NEB: variants seen among roughly 807,000 people sequenced by gnomAD.
The protein encoded by NEB is nebulin, also known as nemaline myopathy type 2.
Under a neutral mutation model 952.2 loss-of-function variants are expected in NEB, and 512 were observed. The ratio of observed to expected loss-of-function variants is 0.54; its 90% CI spans 0.50 to 0.58. NEB has a LOEUF of 0.58. Among genes scored for constraint, NEB ranks in the 20% least tolerant of loss-of-function variants. The pLI, the probability that NEB is intolerant of heterozygous loss-of-function variation, is 0.00. For synonymous variants in NEB, 2,900 were observed against 3,149.8 expected (o/e 0.92, Z 2.66); for missense variants, 8,428 against 9,231.1 (o/e 0.91, Z 3.56).
At chr2:151,712,890 G>T (rs1203086787) in intron 10 of NEB, among the ~76,000 whole-genome samples, 7 of 151,894 alleles carry the variant, frequency 4.6e-5, no homozygotes, top group South Asian at 2.1e-4. Context: ...CAACAGAGTT[G>T]GAGAGAAAGG....
At chr2:151,687,863 T>C in intron 25 of NEB, 130 bp from the exon 26 acceptor site, 1 of 867,068 alleles carries the variant, frequency 1.2e-6, no homozygotes, top group Non-Finnish European at 1.8e-6. Context: ...TATCAAATTG[T>C]AGTATAAGTA....
chr2:151,528,451 C>T (rs1043320964), intron 146 of NEB, among the ~76,000 whole-genome samples: 8 of 152,032 alleles, frequency 5.3e-5, no homozygotes, highest in Non-Finnish European at 7.4e-5. Context: ...AGAGAATACC[C>T]ATACAACCTG....
intron 129 of NEB, 33 bp from the exon 130 acceptor site, chr2:151,549,773 A>G (rs373014903): frequency 3.1e-6 from 4 of 1,311,110 alleles, no homozygotes; most frequent in Non-Finnish European, 4.3e-6. Flanking sequence ...GTTAAATGAC[A>G]TCGGGCATCA....
Position 151,570,130 on chromosome 2 carries a change from T to C in NEB, c.17381A>G (p.Asp5794Gly). ...CTTGGCCTGAATCACATCGTTCTGG[T>C]CGGGCATGCAGGTCCACTGGTGCAG... ...NYLHQWTCMPDQNDVIQAKKA... is the reference protein window; with the variant it reads ...NYLHQWTCMPGQNDVIQAKKA... Residue 5794 changes from aspartate to glycine, a missense_variant, in exon 109 of 182, where the codon GAC (aspartate) becomes GGC (glycine). Asp to Gly is a moderately conservative substitution (Grantham distance 94). Around this residue, in one of 11 missense-constraint regions of NEB, gnomAD observed 3,374 missense variants for 3,651.5 expected, o/e 0.92. Coordinates refer to ENST00000397345, the MANE Select transcript of NEB (RefSeq NM_001164508.2). 6.2e-7 allele frequency: 1 copy of C among 1,612,804 alleles called. No homozygotes were observed. Among genetic ancestry groups the C allele is most frequent in the South Asian group, 1.1e-5 (1 of 90,758 alleles).
intron 10 of NEB, among the ~76,000 whole-genome samples, chr2:151,713,096 T>C (rs1361760437): frequency 6.6e-6 from 1 of 152,088 alleles, no homozygotes. Context: ...TACAGTAAGA[T>C]TGTTTCCCTC....
At chr2:151,505,612 C>G (rs750311680) in intron 164 of NEB, 42 bp from the exon 165 acceptor site, 1 of 1,473,068 alleles carries the variant, frequency 6.8e-7, no homozygotes, top group Non-Finnish European at 9.5e-7. Flanking sequence ...TTATTACATG[C>G]TGGACTGTTA....
intron 107 of NEB, among the ~76,000 whole-genome samples, chr2:151,573,458 C>T (rs1376603073): frequency 6.6e-6 from 1 of 152,194 alleles, no homozygotes; most frequent in South Asian, 2.1e-4. Context: ...CTGACTACCC[C>T]TTGATTCAGC....
chr2:151,691,460 G>T (rs1288957228), intron 23 of NEB, among the ~76,000 whole-genome samples: 8 of 151,988 alleles, frequency 5.3e-5, no homozygotes, highest in Admixed American at 5.2e-4. Flanking sequence ...TCCTTCCTTT[G>T]TTTATTACTT....
At chr2:151,661,606 A>G (rs2099150820) in intron 46 of NEB, among the ~76,000 whole-genome samples, 1 of 152,220 alleles carries the variant, frequency 6.6e-6, no homozygotes, top group South Asian at 2.1e-4. Context: ...TCAATGTAAA[A>G]ATAGAGTAAG....
At position 151,719,623 on chromosome 2, in the gene NEB, G is replaced by A. The variant is rs147972500; in HGVS notation, c.718-2103C>T. Among the ~76,000 whole-genome samples the A allele has an allele frequency of 3.3e-3, 508 of 152,252 alleles. 3 individuals are homozygous for A. Among genetic ancestry groups the A allele is most frequent in the African/African-American group, 0.011 (468 of 41,540 alleles). On this transcript the variant is annotated intron_variant, in intron 9 of 181. Coordinates refer to ENST00000397345, the MANE Select transcript of NEB (RefSeq NM_001164508.2). ...AGTTAAGCAAGGCACAGTGACTCAC[G>A]CCTGTAATCCCAGCACTTTGGGAGG... is the stretch of plus-strand genomic sequence containing the variant.
rs138059770 is a variant in NEB at position 151,625,765 on chromosome 2, C to T, written c.10348-127G>A. ...TGTCTGTTCCATGTATGTTAATATT[C>T]TTTTCAACCTCTTTGATTTTACAAG... On this transcript the variant is annotated intron_variant, in intron 70 of 181. Coordinates refer to ENST00000397345, the MANE Select transcript of NEB (RefSeq NM_001164508.2). 8.2e-3 allele frequency: 4,256 copies of T among 516,076 alleles called. 24 individuals are homozygous for T. The highest frequency in any genetic ancestry group is 0.015 in the Middle Eastern group (40 of 2,746). 32.0% of individuals were successfully genotyped at this position (516,076 alleles called of 1,614,324 possible).
intron 46 of NEB, 41 bp downstream of exon 46, chr2:151,662,094 T>C: frequency 6.6e-7 from 1 of 1,523,152 alleles, no homozygotes; most frequent in Non-Finnish European, 9.0e-7. Flanking sequence ...ACCTGGATTC[T>C]CTCTGATGCA....
Position 151,581,576 on chromosome 2 carries a change from G to A in NEB, c.16191C>T (p.Arg5397=), listed in dbSNP as rs1259895860. ...TAGCCTTCTCTTTCTCCCAGGCATCGCGATACAATGGCTGGGAAAAATGAA... is the reference window on the plus strand; with the variant it reads ...TAGCCTTCTCTTTCTCCCAGGCATCACGATACAATGGCTGGGAAAAATGAA... ...NAVQISEPLY[R]DAWEKEKANV... Residue 5397 remains arginine, a synonymous_variant, in exon 103 of 182, where the codon CGC becomes CGT. Coordinates refer to ENST00000397345, the MANE Select transcript of NEB (RefSeq NM_001164508.2). The A allele has an allele frequency of 8.5e-6, 7 of 828,232 alleles. No homozygotes were observed. Among genetic ancestry groups the A allele is most frequent in the African/African-American group, 1.9e-5 (1 of 52,540 alleles). The allele number at this position is 828,232 out of a possible 1,614,324, so 51.3% of individuals were successfully genotyped here.
rs1444035242 is a variant in NEB at position 151,725,570 on chromosome 2, A to G, written c.295-10T>C. 5 of 1,604,528 alleles carry G rather than the reference A, an allele frequency of 3.1e-6. No individual in the cohort carries two copies. Among genetic ancestry groups the G allele is most frequent in the Non-Finnish European group, 4.3e-6 (5 of 1,171,586 alleles). On this transcript the variant is annotated splice_polypyrimidine_tract_variant and intron_variant, in intron 5 of 181. Transcript: ENST00000397345. ...TCTCCTTGTATTTATTCTGAAAAGAATATCAGATATTAGCCTAACAAGACA... is the reference window on the plus strand; with the variant it reads ...TCTCCTTGTATTTATTCTGAAAAGAGTATCAGATATTAGCCTAACAAGACA...
Position 151,644,901 on chromosome 2 carries a change from G to C in NEB, c.7537-326C>G, listed in dbSNP as rs75260990. Reference sequence around the variant, plus strand: ...CACAGAGTGTACTTATGCAATCCTAGATGGTACGGCCTAGTACACACCTAG... The same window carrying C: ...CACAGAGTGTACTTATGCAATCCTACATGGTACGGCCTAGTACACACCTAG... On this transcript the variant is annotated intron_variant, in intron 55 of 181. Transcript: ENST00000397345. Among the ~76,000 whole-genome samples, 266 of 152,274 alleles carry C rather than the reference G, an allele frequency of 1.7e-3. 11 individuals are homozygous for C. The East Asian group carries it at 0.047, about 27-fold the overall frequency.
At position 151,679,984 on chromosome 2, in the gene NEB, T is replaced by A. The variant is rs6735208; in HGVS notation, c.3081A>T (p.Lys1027Asn). The A allele has an allele frequency of 0.79, 1,274,613 of 1,612,454 alleles. 516,236 individuals carry two copies. Among genetic ancestry groups the A allele is most frequent in the Admixed American group, 0.86 (51,327 of 60,006 alleles). The change falls in exon 31 of 182, where the codon AAA becomes AAT. Residue 1027 changes from lysine (K) to asparagine (N), a missense_variant. Transcript: ENST00000397345. ...GGGGCAGGTCTGGTGGCAGGTTGTA[T>A]TTGTGAATAATTTCCTCTCCTTTGG... is the stretch of plus-strand genomic sequence containing the variant. The part of the protein sequence containing the change: ...YKAKGEEIIH[K>N]YNLPPDLPQF...
At chr2:151,493,543 T>TA (rs1242987283) in intron 175 of NEB, 98 bp from the exon 176 acceptor site, 1 of 787,846 alleles carries the variant, frequency 1.3e-6, no homozygotes, top group East Asian at 2.6e-5. Flanking sequence ...ATGGCTCAGT[T>TA]ATATCACACT....
Position 151,614,489 on chromosome 2 carries a change from G to C in NEB, c.11388C>G (p.Ala3796=). The C allele has an allele frequency of 6.2e-7, 1 of 1,613,836 alleles. No homozygotes were observed. ...DPKMMWSIHV[A]KIQSDREYKK... ...TGTACTCCCTGTCACTCTGGATCTT[G>C]GCCACATGGATGGACCACATCATCT... The change falls in exon 77 of 182, where the codon GCC becomes GCG. Residue 3796 remains alanine, a synonymous_variant. Transcript: ENST00000397345.
chr2:151,513,515 A>T, intron 160 of NEB, 65 bp downstream of exon 160: 1 of 1,142,510 alleles, frequency 8.8e-7, no homozygotes, highest in Non-Finnish European at 1.3e-6. Context: ...TGACAGAGGG[A>T]CACTTTATGT....
Sources: gnomAD v4.1 joint callset for allele counts (sites outside exome capture counted in the v4.1 genomes callset) on GRCh38, gnomAD v4.1.1 for gene constraint, gnomAD v4.1.1 regional missense constraint, MANE v1.5 for transcripts, NCBI Gene and HGNC (gene_info 2026-07-23, HGNC 2026-07-21) for gene names.